The following CEP192 variants were observed in gnomAD, a reference collection of about 807,000 sequenced individuals.
The protein encoded by CEP192 is centrosomal protein 192.
CEP192 carries 151 observed loss-of-function variants against 271.8 expected under a neutral mutation model. The ratio of observed to expected loss-of-function variants is 0.56; its 90% CI spans 0.49 to 0.64. The LOEUF (loss-of-function observed/expected upper bound fraction) is 0.64. Among genes scored for constraint, CEP192 ranks in the 30% least tolerant of loss-of-function variants. The probability of loss-of-function intolerance (pLI) is 0.00; values close to 1 mark genes in which losing one functional copy is unlikely to be tolerated. For missense variants in CEP192, 2,910 were observed against 3,020.5 expected, an observed-to-expected ratio of 0.96 and a Z score of 0.86; for synonymous variants, 995 against 1,076.5, an observed-to-expected ratio of 0.92 and a Z score of 1.48.
intron 15 of CEP192, among the ~76,000 whole-genome samples, chr18:13,045,086 T>C (rs1037437553): frequency 2.6e-5 from 4 of 152,222 alleles, no homozygotes; most frequent in African/African-American, 9.6e-5. Context: ...TCTTAGGTTG[T>C]TAAGCTATGT....
chr18:13,037,352 G>A (rs1362615035), intron 12 of CEP192, 51 bp downstream of exon 12: 3 of 735,394 alleles, frequency 4.1e-6, no homozygotes, highest in Admixed American at 4.5e-5. Flanking sequence ...CTGTATTAGT[G>A]TAAGTGTAGG....
At chr18:13,043,915 T>C (rs2036339396) in intron 15 of CEP192, among the ~76,000 whole-genome samples, 1 of 152,146 alleles carries the variant, frequency 6.6e-6, no homozygotes, top group Non-Finnish European at 1.5e-5. Context: ...GTACATGAGA[T>C]GTTTTGGTAC....
chr18:13,110,743 C>T (rs958034554), intron 40 of CEP192, among the ~76,000 whole-genome samples: 7 of 152,214 alleles, frequency 4.6e-5, no homozygotes, highest in Non-Finnish European at 7.3e-5. Flanking sequence ...GCCAACAGTG[C>T]AGCCTTCAGT....
At chr18:13,006,283 T>A (rs1324464871) in intron 3 of CEP192, among the ~76,000 whole-genome samples, 1 of 152,102 alleles carries the variant, frequency 6.6e-6, no homozygotes, top group African/African-American at 2.4e-5. Flanking sequence ...CCTTTTTTTT[T>A]AATGGGCCCT....
rs1479641158 is a variant in CEP192 at position 13,099,574 on chromosome 18, G to C, written c.6656G>C (p.Gly2219Ala). ...SGLIYIHCDDGQKKIVKVQIR... is the reference protein window; with the variant it reads ...SGLIYIHCDDAQKKIVKVQIR... ...TTGATCTATATACACTGTGACGATG[G>C]ACAGAAGGTACTTTTAAAAGTGGTT... Residue 2219 changes from glycine (G) to alanine (A), a missense_variant, in exon 37 of 45, where the codon GGA (glycine) becomes GCA (alanine). Gly to Ala is a moderately conservative substitution (Grantham distance 60, BLOSUM62 0). Transcript: ENST00000506447. 3 of 1,528,652 alleles carry C rather than the reference G, an allele frequency of 2.0e-6. No homozygotes were observed. Among genetic ancestry groups the C allele is most frequent in the Middle Eastern group, 1.7e-4 (1 of 5,778 alleles). The allele number at this position is 1,528,652 out of a possible 1,614,324, so 94.7% of individuals were successfully genotyped here. A position where few individuals can be genotyped will look rare whatever the true frequency, so the allele number is the denominator to read the frequency against.
chr18:13,068,772 G>GCA, intron 24 of CEP192, 80 bp from the exon 25 acceptor site: 5 of 1,474,322 alleles, frequency 3.4e-6, no homozygotes, highest in African/African-American at 2.8e-5. Flanking sequence ...GCCCCTAAGG[G>GCA]CACTGTGTGG....
chr18:13,072,081 G>C (rs984377909), intron 28 of CEP192, among the ~76,000 whole-genome samples: 2 of 152,194 alleles, frequency 1.3e-5, no homozygotes, highest in Admixed American at 1.3e-4. Context: ...AAAGTTGTCT[G>C]CGTTTCTCTT....
chr18:13,064,340 C>T (rs1019737121), intron 21 of CEP192, among the ~76,000 whole-genome samples: 24 of 150,426 alleles, frequency 1.6e-4, no homozygotes, highest in African/African-American at 5.1e-4. Flanking sequence ...AGGCCGGGCA[C>T]GGTGGCTCAT....
intron 30 of CEP192, among the ~76,000 whole-genome samples, chr18:13,083,894 G>A (rs919633522): frequency 6.6e-6 from 1 of 152,122 alleles, no homozygotes. Context: ...CAGGTCTGTT[G>A]GAGTTTGCTG....
intron 11 of CEP192, among the ~76,000 whole-genome samples, chr18:13,032,512 A>G (rs779855530): frequency 1.3e-5 from 2 of 152,190 alleles, no homozygotes; most frequent in Non-Finnish European, 2.9e-5. Flanking sequence ...CACTTAAAAG[A>G]TCATGGAATT....
chr18:13,079,539 C>T (rs929707103), intron 30 of CEP192, among the ~76,000 whole-genome samples: 12 of 151,918 alleles, frequency 7.9e-5, no homozygotes, highest in Admixed American at 5.2e-4. Context: ...GGATATTAGC[C>T]CTTTGACAGA....
intron 41 of CEP192, 23 bp from the exon 42 acceptor site, chr18:13,114,107 T>TA (rs773530131): frequency 6.2e-7 from 1 of 1,600,720 alleles, no homozygotes; most frequent in Non-Finnish European, 8.5e-7. Context: ...TCTTCTCCGT[T>TA]ACCCTGTGAT....
At chr18:13,004,338 C>T (rs917654107) in intron 3 of CEP192, among the ~76,000 whole-genome samples, 1 of 151,348 alleles carries the variant, frequency 6.6e-6, no homozygotes, top group Admixed American at 6.6e-5. Flanking sequence ...TGCATGTTTG[C>T]GTGATAATAG....
At position 13,071,195 on chromosome 18, in the gene CEP192, C is replaced by T; in HGVS notation, c.5331C>T (p.Val1777=). The change falls in exon 28 of 45, where the codon GTC becomes GTT. Residue 1777 remains valine, a synonymous_variant. Coordinates refer to ENST00000506447, the MANE Select transcript of CEP192 (RefSeq NM_032142.4). ...SNKQFLAWGG[V]PLGRTQLQKL... ...AACAATTTCTGGCTTGGGGAGGAGT[C>T]CCTCTAGGTAGAACACAGTAAGTGT... 1 of 1,613,742 alleles carries T rather than the reference C, an allele frequency of 6.2e-7. No homozygotes were observed. The highest frequency in any genetic ancestry group is 1.7e-5 in the Admixed American group (1 of 59,990).
intron 39 of CEP192, chr18:13,103,829 A>G (rs1330229925): frequency 5.2e-6 from 3 of 577,206 alleles, no homozygotes; most frequent in Non-Finnish European, 9.8e-6. Context: ...GGCTGGGACC[A>G]CAGGTGTGCA....
At chr18:13,030,995 G>A (rs2035587967) in intron 11 of CEP192, among the ~76,000 whole-genome samples, 1 of 152,162 alleles carries the variant, frequency 6.6e-6, no homozygotes, top group Non-Finnish European at 1.5e-5. Context: ...TGGTAGAAAT[G>A]ATGGAAGAAA....
At position 13,071,113 on chromosome 18, in the gene CEP192, G is replaced by C; in HGVS notation, c.5249G>C (p.Gly1750Ala). The change falls in exon 28 of 45, where the codon GGA becomes GCA. Residue 1750 changes from glycine (G) to alanine (A), a missense_variant. Coordinates refer to ENST00000506447, the MANE Select transcript of CEP192 (RefSeq NM_032142.4). ...VVLKGEVISS[G>A]SKPLSPGPCL... ...TTAAAAGGCGAAGTCATTTCTTCAGGAAGTAAACCTCTGTCACCTGGACCT... is the reference window on the plus strand; with the variant it reads ...TTAAAAGGCGAAGTCATTTCTTCAGCAAGTAAACCTCTGTCACCTGGACCT... 6.2e-7 allele frequency: 1 copy of C among 1,614,028 alleles called. No individual in the cohort carries two copies. Among genetic ancestry groups the C allele is most frequent in the Non-Finnish European group, 8.5e-7 (1 of 1,179,904 alleles).
intron 44 of CEP192, among the ~76,000 whole-genome samples, chr18:13,122,568 G>A (rs1434835286): frequency 7.2e-6 from 1 of 139,806 alleles, no homozygotes; most frequent in Non-Finnish European, 1.5e-5. Context: ...GCGACAGAGC[G>A]AGAATCCGTC....
chr18:13,052,315 G>C (rs1300669961), intron 17 of CEP192, among the ~76,000 whole-genome samples: 1 of 152,160 alleles, frequency 6.6e-6, no homozygotes, highest in East Asian at 1.9e-4. Flanking sequence ...GCATGTTTGT[G>C]CTCTAATTTC....
Sources: gnomAD v4.1 joint callset for allele counts (sites outside exome capture counted in the v4.1 genomes callset) on GRCh38, gnomAD v4.1.1 for gene constraint, MANE v1.5 for transcripts, NCBI Gene and HGNC (gene_info 2026-07-23, HGNC 2026-07-21) for gene names.